Variants in SKAP2 observed in about 807,000 individuals in gnomAD.
SKAP2 encodes src kinase-associated phosphoprotein 2.
Under a neutral mutation model 54.9 loss-of-function variants are expected in SKAP2, and 28 were observed. The ratio of observed to expected loss-of-function variants is 0.51; its 90% CI spans 0.38 to 0.70. The LOEUF is 0.70. SKAP2 is among the 30% of genes least tolerant of loss of function. The pLI, the probability that SKAP2 is intolerant of heterozygous loss-of-function variation, is 0.00. For synonymous variants in SKAP2, 137 were observed against 134.3 expected, an observed-to-expected ratio of 1.02 and a Z score of -0.14; for missense variants, 356 against 424.1, an observed-to-expected ratio of 0.84 and a Z score of 1.41.
rs141650127 is a variant in SKAP2 at position 26,705,004 on chromosome 7, C to G, written c.797-14642G>C. Among the ~76,000 whole-genome samples the G allele has an allele frequency of 1.6e-3, 249 of 152,232 alleles. 1 individual carries two copies. The highest frequency in any genetic ancestry group is 5.8e-3 in the African/African-American group (241 of 41,554). On this transcript the variant is annotated intron_variant, in intron 9 of 12. Transcript: ENST00000345317. ...AATGTACATGGCAGGCAAACCAGATCTTACTTTTTTAAGGTCTCACCCACA... is the reference window on the plus strand; with the variant it reads ...AATGTACATGGCAGGCAAACCAGATGTTACTTTTTTAAGGTCTCACCCACA...
At chr7:26,750,944 T>C (rs1459549405) in intron 4 of SKAP2, among the ~76,000 whole-genome samples, 1 of 152,176 alleles carries the variant, frequency 6.6e-6, no homozygotes, top group African/African-American at 2.4e-5. Flanking sequence ...AACAGCTTTA[T>C]GTTGTGGATT....
chr7:26,848,531 A>G (rs1311197220), intron 3 of SKAP2, among the ~76,000 whole-genome samples: 2 of 152,122 alleles, frequency 1.3e-5, no homozygotes, highest in Non-Finnish European at 2.9e-5. Context: ...AGCTCATTAT[A>G]TATATGCAAA....
At chr7:26,837,953 G>A (rs543806402) in intron 4 of SKAP2, among the ~76,000 whole-genome samples, 108 of 152,254 alleles carry the variant, frequency 7.1e-4, no homozygotes, top group African/African-American at 2.6e-3. Context: ...TCAAATTCCA[G>A]TTCTGCCACT....
chr7:26,786,853 A>G (rs1318134086), intron 4 of SKAP2, among the ~76,000 whole-genome samples: 1 of 152,088 alleles, frequency 6.6e-6, no homozygotes, highest in Non-Finnish European at 1.5e-5. Flanking sequence ...TTTTAAGGTT[A>G]ACTTAACTCT....
At chr7:26,771,746 T>C (rs1013840342) in intron 4 of SKAP2, among the ~76,000 whole-genome samples, 6 of 152,314 alleles carry the variant, frequency 3.9e-5, no homozygotes, top group African/African-American at 1.4e-4. Context: ...ATAACTATTG[T>C]GTATAAAGCA....
chr7:26,769,316 GTTC>G (rs1783129630), intron 4 of SKAP2, among the ~76,000 whole-genome samples: 1 of 152,158 alleles, frequency 6.6e-6, no homozygotes, highest in African/African-American at 2.4e-5. Flanking sequence ...GGTCATTTAT[GTTC>G]TTCTCCAAAC....
intron 4 of SKAP2, among the ~76,000 whole-genome samples, chr7:26,841,924 T>C (rs1457668259): frequency 6.6e-6 from 1 of 152,000 alleles, no homozygotes; most frequent in African/African-American, 2.4e-5. Flanking sequence ...TTATGCTTAT[T>C]GTTAAATGCA....
At chr7:26,725,709 T>C (rs1787691271) in intron 8 of SKAP2, 144 bp from the exon 9 acceptor site, 1 of 993,800 alleles carries the variant, frequency 1.0e-6, no homozygotes, top group Admixed American at 3.0e-5. Context: ...GTTTAAAAAT[T>C]GTTTTGTAAA....
At chr7:26,792,697 C>G (rs1397059856) in intron 4 of SKAP2, among the ~76,000 whole-genome samples, 1 of 152,004 alleles carries the variant, frequency 6.6e-6, no homozygotes, top group Non-Finnish European at 1.5e-5. Flanking sequence ...AGTGAGTGAG[C>G]TGTTCCAAGA....
At chr7:26,657,885 T>C in the SKAP2 span, among the ~76,000 whole-genome samples, 2 of 152,134 alleles carry the variant, frequency 1.3e-5, no homozygotes, top group Non-Finnish European at 1.5e-5. Flanking sequence ...TTTGGTGTTG[T>C]TTTTGTTTGT....
the SKAP2 span, among the ~76,000 whole-genome samples, chr7:26,658,936 CTCATTCT>C: frequency 1.3e-5 from 2 of 152,022 alleles, no homozygotes; most frequent in African/African-American, 4.8e-5. Context: ...ATGAATTATC[CTCATTCT>C]TCTCCTAGCA....
At chr7:26,766,491 A>G (rs1283184749) in intron 4 of SKAP2, among the ~76,000 whole-genome samples, 1 of 152,210 alleles carries the variant, frequency 6.6e-6, no homozygotes, top group East Asian at 1.9e-4. Context: ...TGCCCTAGCC[A>G]GAACTTTGAA....
At chr7:26,841,137 C>T (rs904305398) in intron 4 of SKAP2, among the ~76,000 whole-genome samples, 1 of 152,024 alleles carries the variant, frequency 6.6e-6, no homozygotes, top group African/African-American at 2.4e-5. Context: ...AATGAGTAGA[C>T]ATGACTATAG....
chr7:26,815,107 CT>C (rs71823311), intron 4 of SKAP2, among the ~76,000 whole-genome samples: 32,360 of 146,594 alleles, frequency 0.22, 3,507 homozygotes, highest in Non-Finnish European at 0.24. Context: ...TACAAATGGT[CT>C]TTTTTTTTTT....
intron 9 of SKAP2, among the ~76,000 whole-genome samples, chr7:26,699,913 T>C (rs1221707976): frequency 2.0e-5 from 3 of 152,222 alleles, no homozygotes; most frequent in African/African-American, 7.2e-5. Context: ...CATTAAACTG[T>C]TGACTCATAT....
chr7:26,679,708 C>T (rs1421507742), intron 11 of SKAP2, among the ~76,000 whole-genome samples: 3 of 152,166 alleles, frequency 2.0e-5, no homozygotes, highest in Non-Finnish European at 4.4e-5. Context: ...TAAAAAGTAA[C>T]TTATTTCCCT....
At chr7:26,843,451 C>A (rs531977597) in intron 4 of SKAP2, among the ~76,000 whole-genome samples, 1 of 151,958 alleles carries the variant, frequency 6.6e-6, no homozygotes, top group Non-Finnish European at 1.5e-5. Flanking sequence ...TTAGAAATTA[C>A]TAAGAGATAA....
intron 1 of SKAP2, among the ~76,000 whole-genome samples, chr7:26,857,246 A>C (rs1342002788): frequency 6.9e-6 from 1 of 144,286 alleles, no homozygotes; most frequent in African/African-American, 2.6e-5. Context: ...ATTATTTAAT[A>C]AACAGTGACT....
At chr7:26,796,639 T>C (rs1783786762) in intron 4 of SKAP2, among the ~76,000 whole-genome samples, 2 of 152,374 alleles carry the variant, frequency 1.3e-5, no homozygotes, top group African/African-American at 2.4e-5. Context: ...ATTGCATAAA[T>C]AGATGATATC....
Sources: gnomAD v4.1 joint callset for allele counts (sites outside exome capture counted in the v4.1 genomes callset) on GRCh38, gnomAD v4.1.1 for gene constraint, MANE v1.5 for transcripts, NCBI Gene and HGNC (gene_info 2026-07-23, HGNC 2026-07-21) for gene names.